Variants in PDS5B observed in about 807,000 individuals in gnomAD.
The protein encoded by PDS5B is sister chromatid cohesion protein PDS5 homolog B.
A neutral mutation model predicts 184.1 loss-of-function variants in PDS5B; 51 were observed. That is an observed-to-expected ratio of 0.28 (90% CI 0.22 to 0.35). The LOEUF is 0.35. PDS5B is among the 10% of genes least tolerant of loss of function. The probability of loss-of-function intolerance (pLI) is 1.00; values close to 1 mark genes in which losing one functional copy is unlikely to be tolerated. For synonymous variants in PDS5B, 566 were observed against 569.2 expected (o/e 0.99, Z 0.08); for missense variants, 1,180 against 1,723.3 (o/e 0.68, Z 5.58).
rs190576526 is a variant in PDS5B at position 32,677,924 on chromosome 13, C to T, written c.963-911C>T. Among the ~76,000 whole-genome samples, 109 of 151,850 alleles carry T rather than the reference C, an allele frequency of 7.2e-4. 1 individual carries two copies. The highest frequency in any genetic ancestry group is 1.4e-3 in the Non-Finnish European group (97 of 67,942). On this transcript the variant is annotated intron_variant, in intron 9 of 34. Coordinates refer to ENST00000315596, the MANE Select transcript of PDS5B (RefSeq NM_015032.4). ...TCTGTGATAAAGTAATGTATACAGA[C>T]GGAACATCAGTGGTTGAGAGACAGC...
chr13:32,720,271 A>G (rs946003038), intron 19 of PDS5B, among the ~76,000 whole-genome samples: 9 of 152,250 alleles, frequency 5.9e-5, no homozygotes, highest in African/African-American at 2.2e-4. Flanking sequence ...ATGTGATGCA[A>G]CCAGTATTAG....
rs762184270 is a variant in PDS5B, at chr13:32,770,327, T to C, written c.3831T>C (p.Asn1277=). 6.2e-7 allele frequency: 1 copy of C among 1,609,228 alleles called. No individual in the cohort carries two copies. Among genetic ancestry groups the C allele is most frequent in the Non-Finnish European group, 8.5e-7 (1 of 1,178,480 alleles). ...EKRLKEDILE[N]EDEQNSPPKK... ...GGCTCAAAGAAGATATATTAGAAAA[T>C]GAAGATGAACAGAATAGTCCGCCAA... The change falls in exon 32 of 35, where the codon AAT becomes AAC. Residue 1277 remains asparagine, a synonymous_variant. Transcript: ENST00000315596.
At position 32,741,155 on chromosome 13, in the gene PDS5B, AAT is replaced by A; in HGVS notation, c.2475+8_2475+9del. Reference sequence around the variant, plus strand: ...TCCTGAGACAATGGTCAAAGTGAGTAATGTGCATAGATCTATTGATTTTAATA... The same window carrying A: ...TCCTGAGACAATGGTCAAAGTGAGTAGTGCATAGATCTATTGATTTTAATA... On this transcript the variant is annotated splice_region_variant and intron_variant, in intron 22 of 34. Transcript: ENST00000315596. 1 of 1,417,404 alleles carries A rather than the reference AAT, an allele frequency of 7.1e-7. No individual in the cohort carries two copies. Among genetic ancestry groups the A allele is most frequent in the Non-Finnish European group, 9.9e-7 (1 of 1,009,458 alleles). 87.8% of individuals were successfully genotyped at this position (1,417,404 alleles called of 1,614,324 possible).
At chr13:32,699,642 G>T in intron 15 of PDS5B, 88 bp from the exon 16 acceptor site, 1 of 678,362 alleles carries the variant, frequency 1.5e-6, no homozygotes, top group Non-Finnish European at 2.2e-6. Context: ...AGGATTTTAA[G>T]GCAATAAAAG....
intron 20 of PDS5B, among the ~76,000 whole-genome samples, chr13:32,734,848 C>CCT (rs1247002963): frequency 6.6e-6 from 1 of 152,180 alleles, no homozygotes; most frequent in African/African-American, 2.4e-5. Flanking sequence ...CTAGCAGTCT[C>CCT]TAACACATTC....
At chr13:32,748,479 T>TA (rs1555316081) in intron 24 of PDS5B, among the ~76,000 whole-genome samples, 6 of 149,454 alleles carry the variant, frequency 4.0e-5, no homozygotes, top group African/African-American at 7.5e-5. Context: ...TTTTTTTTTT[T>TA]AAATGTATGT....
At chr13:32,749,689 A>G (rs992365074) in intron 24 of PDS5B, among the ~76,000 whole-genome samples, 1 of 152,210 alleles carries the variant, frequency 6.6e-6, no homozygotes, top group Non-Finnish European at 1.5e-5. Flanking sequence ...AATGAGATAC[A>G]CAAACTAATT....
At chr13:32,604,859 A>G (rs1415403662) in intron 1 of PDS5B, among the ~76,000 whole-genome samples, 4 of 151,544 alleles carry the variant, frequency 2.6e-5, no homozygotes, top group African/African-American at 7.3e-5. Flanking sequence ...GTTTATTTGC[A>G]TAGAGGTGTT....
chr13:32,598,900 A>G (rs2057925598), intron 1 of PDS5B, among the ~76,000 whole-genome samples: 1 of 151,094 alleles, frequency 6.6e-6, no homozygotes, highest in South Asian at 2.1e-4. Context: ...CCTTCCAAGT[A>G]GCTGGGACTA....
At chr13:32,655,374 A>ATATATATATATATATATTT in intron 3 of PDS5B, among the ~76,000 whole-genome samples, 5 of 72,466 alleles carry the variant, frequency 6.9e-5, no homozygotes, top group African/African-American at 3.3e-4. Context: ...ATATATATAT[A>ATATATATATATATATATTT]TTTTTTTTTT....
chr13:32,613,499 G>A (rs1302653512), intron 1 of PDS5B, among the ~76,000 whole-genome samples: 1 of 152,154 alleles, frequency 6.6e-6, no homozygotes, highest in African/African-American at 2.4e-5. Context: ...ATGATGCTGA[G>A]CATCTTTTTA....
intron 21 of PDS5B, among the ~76,000 whole-genome samples, chr13:32,738,975 G>A (rs1012033324): frequency 1.3e-5 from 2 of 152,036 alleles, no homozygotes; most frequent in African/African-American, 4.8e-5. Flanking sequence ...CGCCTGGCCT[G>A]AACAAAAGTT....
chr13:32,605,862 G>A (rs1174942322), intron 1 of PDS5B, among the ~76,000 whole-genome samples: 1 of 150,694 alleles, frequency 6.6e-6, no homozygotes, highest in African/African-American at 2.4e-5. Flanking sequence ...TTGGTTTAAA[G>A]TCTGTTATCA....
intron 31 of PDS5B, among the ~76,000 whole-genome samples, chr13:32,768,812 A>G (rs1303820904): frequency 8.3e-6 from 1 of 121,104 alleles, no homozygotes; most frequent in Non-Finnish European, 1.8e-5. Flanking sequence ...AAAAAGAAAA[A>G]AAAAAAAAGC....
intron 24 of PDS5B, among the ~76,000 whole-genome samples, chr13:32,747,485 G>T: frequency 6.6e-6 from 1 of 151,720 alleles, no homozygotes; most frequent in Non-Finnish European, 1.5e-5. Flanking sequence ...GGGCGTGGTG[G>T]CTCATGCCAG....
At chr13:32,739,166 CT>C (rs919770660) in intron 21 of PDS5B, among the ~76,000 whole-genome samples, 276 of 145,530 alleles carry the variant, frequency 1.9e-3, no homozygotes, top group Non-Finnish European at 2.4e-3. Context: ...AATTGATTTA[CT>C]TTTTTTTTTT....
chr13:32,597,958 A>AG (rs2057906283), intron 1 of PDS5B, among the ~76,000 whole-genome samples: 1 of 152,066 alleles, frequency 6.6e-6, no homozygotes, highest in African/African-American at 2.4e-5. Flanking sequence ...TTAAGGGGGA[A>AG]GGCATTTAGT....
intron 3 of PDS5B, chr13:32,652,296 G>A (rs1276816444): frequency 3.8e-6 from 1 of 263,626 alleles, no homozygotes; most frequent in African/African-American, 2.2e-5. Context: ...TTTCACTTTT[G>A]AAAATCCATA....
At chr13:32,754,411 C>A (rs746450065) in intron 25 of PDS5B, among the ~76,000 whole-genome samples, 1 of 152,106 alleles carries the variant, frequency 6.6e-6, no homozygotes, top group Non-Finnish European at 1.5e-5. Context: ...CATTTACTTT[C>A]GATTACTTGA....
Sources: allele counts gnomAD v4.1 joint callset (sites outside exome capture counted in the v4.1 genomes callset), GRCh38; gene constraint gnomAD v4.1.1; transcripts MANE v1.5; gene names NCBI Gene and HGNC (gene_info 2026-07-23, HGNC 2026-07-21).